The following SH2D4A variants were observed in gnomAD, a reference collection of about 807,000 sequenced individuals.
SH2D4A encodes SH2 domain-containing protein 4A.
In SH2D4A, 70 loss-of-function variants were observed where a neutral mutation model predicts 64.7. That is an observed-to-expected ratio of 1.08 (90% CI 0.89 to 1.32). The LOEUF is 1.32. Ranked by LOEUF, SH2D4A falls within the 40% of genes most tolerant of loss-of-function variation. SH2D4A has a pLI of 0.00. For synonymous variants in SH2D4A, 268 were observed against 200.7 expected (o/e 1.34, Z -2.83); for missense variants, 706 against 540.1 (o/e 1.31, Z -3.04).
chr8:19,328,035 C>T (rs992805925), intron 2 of SH2D4A, among the ~76,000 whole-genome samples: 7 of 152,194 alleles, frequency 4.6e-5, no homozygotes, highest in Admixed American at 1.3e-4. Flanking sequence ...GTCTCCTCCA[C>T]TGTTTGGTTA....
In SH2D4A at chr8:19,373,533, T is replaced by A; in HGVS notation, c.921T>A (p.Asn307Lys). 6.3e-7 allele frequency: 1 copy of A among 1,579,790 alleles called. No individual in the cohort carries two copies. Residue 307 changes from asparagine (N) to lysine (K), a missense_variant, in exon 8 of 10, where the codon AAT becomes AAA. By Grantham distance (94) the Asn-to-Lys change is moderately conservative (BLOSUM62 0). Coordinates refer to ENST00000265807, the MANE Select transcript of SH2D4A (RefSeq NM_022071.4). Reference sequence around the variant, plus strand: ...GAAAAACTTTTATAAATAACAGAAATCAGGGAGTGGTGAGGACACTGTCCA... The same window carrying A: ...GAAAAACTTTTATAAATAACAGAAAACAGGGAGTGGTGAGGACACTGTCCA... ...SGAYPQKPLR[N>K]QGVVRTLSSS...
At chr8:19,352,461 G>A (rs957857548) in intron 4 of SH2D4A, among the ~76,000 whole-genome samples, 2 of 152,168 alleles carry the variant, frequency 1.3e-5, no homozygotes, top group Non-Finnish European at 2.9e-5. Flanking sequence ...TTTTTTGGAA[G>A]CTTTTGCATA....
chr8:19,320,492 T>C (rs1351880578), intron 2 of SH2D4A, among the ~76,000 whole-genome samples: 1 of 151,858 alleles, frequency 6.6e-6, no homozygotes, highest in Non-Finnish European at 1.5e-5. Flanking sequence ...GGCATGGTGG[T>C]ACATGCCTAT....
chr8:19,332,929 T>C lies in SH2D4A; in HGVS notation c.182-26T>C, dbSNP rs201634373. ...ACTAAAGATATTTGTTCAATCTGAA[T>C]TTTTTGTTTGTGTGTTTGTTTGCAG... On this transcript the variant is annotated intron_variant, in intron 2 of 9. Transcript: ENST00000265807. 1.7e-5 allele frequency: 27 copies of C among 1,602,756 alleles called. No homozygotes were observed. In the East Asian group the frequency reaches 5.4e-4, roughly 32 times the overall value.
At chr8:19,334,568 A>T (rs2052414371) in intron 3 of SH2D4A, 118 bp from the exon 4 acceptor site, 1 of 1,095,824 alleles carries the variant, frequency 9.1e-7, no homozygotes, top group Non-Finnish European at 1.3e-6. Flanking sequence ...TGTTAGAAGC[A>T]CTCAGTAAGT....
chr8:19,382,148 T>A (rs1435375844), intron 8 of SH2D4A, among the ~76,000 whole-genome samples: 2 of 152,172 alleles, frequency 1.3e-5, no homozygotes, highest in Non-Finnish European at 2.9e-5. Flanking sequence ...CATTTCACCA[T>A]GTAACATCCT....
In SH2D4A at chr8:19,318,106, A is replaced by C. The variant is rs2052121483; in HGVS notation, c.-204-1238A>C. 2.6e-5 allele frequency among the ~76,000 whole-genome samples: 4 copies of C among 152,048 alleles called. No individual in the cohort carries two copies. The South Asian group carries it at 8.3e-4, about 32-fold the overall frequency. ...TGTTTTTTTAGTAGAGATGTTGGTC[A>C]TACTGGTCAGACTGGTCTCGAACTC... On this transcript the variant is annotated intron_variant, in intron 1 of 9. Transcript: ENST00000265807.
chr8:19,390,620 A>AG lies in SH2D4A; in HGVS notation c.1049-2697dup, dbSNP rs1345205834. 1.0e-3 allele frequency among the ~76,000 whole-genome samples: 159 copies of AG among 152,328 alleles called. 2 individuals carry two copies. Among genetic ancestry groups the AG allele is most frequent in the African/African-American group, 3.6e-3 (149 of 41,574 alleles). On this transcript the variant is annotated intron_variant, in intron 8 of 9. Coordinates refer to ENST00000265807, the MANE Select transcript of SH2D4A (RefSeq NM_022071.4). ...TTAAGGAATAGTAATCCTCTTACAA[A>AG]GCAAAAAAAGCAAAGACAAACTACC... is the stretch of plus-strand genomic sequence containing the variant.
At chr8:19,313,956 C>T (rs1157346724) in intron 1 of SH2D4A, 133 bp downstream of exon 1, 13 of 1,270,180 alleles carry the variant, frequency 1.0e-5, no homozygotes, top group Non-Finnish European at 1.3e-5. Flanking sequence ...GGAAGCCTCA[C>T]CCCCGCCTCC....
At chr8:19,392,995 C>T (rs2053518576) in intron 8 of SH2D4A, among the ~76,000 whole-genome samples, 1 of 152,168 alleles carries the variant, frequency 6.6e-6, no homozygotes, top group African/African-American at 2.4e-5. Context: ...CCCACCTCGG[C>T]CTCTCAAAGT....
intron 7 of SH2D4A, among the ~76,000 whole-genome samples, chr8:19,373,216 G>A (rs1437937037): frequency 1.3e-5 from 2 of 151,840 alleles, no homozygotes; most frequent in Non-Finnish European, 2.9e-5. Flanking sequence ...TGCCCTTGAG[G>A]AGGTGTATAA....
chr8:19,375,203 T>C (rs1372935645), intron 8 of SH2D4A: 1 of 151,926 alleles, frequency 6.6e-6, no homozygotes, highest in Non-Finnish European at 1.5e-5. Context: ...ATAAGCAAAA[T>C]AAAACTGTAT....
intron 2 of SH2D4A, among the ~76,000 whole-genome samples, chr8:19,326,019 C>T (rs1261527681): frequency 6.6e-6 from 1 of 152,186 alleles, no homozygotes; most frequent in Non-Finnish European, 1.5e-5. Flanking sequence ...GTGGTTGCCA[C>T]CCCAGCGTCC....
In SH2D4A at chr8:19,393,386, C is replaced by G. The variant is rs773317243; in HGVS notation, c.1117C>G (p.Arg373Gly). The G allele has an allele frequency of 1.3e-5, 21 of 1,614,046 alleles. No homozygotes were observed. The highest frequency in any genetic ancestry group is 1.5e-5 in the Non-Finnish European group (18 of 1,180,022). The change falls in exon 9 of 10, where the codon CGA (arginine) becomes GGA (glycine). Residue 373 changes from arginine (R) to glycine (G), a missense_variant. Physicochemically the swap from Arg to Gly is moderately radical, Grantham distance 125. Transcript: ENST00000265807. The stretch of plus-strand genomic sequence containing the variant: ...AGGCATGCCCGGCAGTTTTCTCATC[C>G]GAGTCAGTGAAAGGATCAAAGGCTA... Reference protein sequence around the residue: ...STGMPGSFLIRVSERIKGYAL... With the variant: ...STGMPGSFLIGVSERIKGYAL...
At chr8:19,380,000 A>G (rs1222248437) in intron 8 of SH2D4A, among the ~76,000 whole-genome samples, 1 of 151,980 alleles carries the variant, frequency 6.6e-6, no homozygotes, top group Non-Finnish European at 1.5e-5. Flanking sequence ...CCTCCCAAAG[A>G]ACTGAGATTA....
At chr8:19,384,665 T>C (rs1474119148) in intron 8 of SH2D4A, among the ~76,000 whole-genome samples, 1 of 152,232 alleles carries the variant, frequency 6.6e-6, no homozygotes, top group Non-Finnish European at 1.5e-5. Flanking sequence ...TTATTCTGGC[T>C]TCAGATTATG....
At chr8:19,361,350 C>G in intron 6 of SH2D4A, 36 bp downstream of exon 6, 1 of 1,556,446 alleles carries the variant, frequency 6.4e-7, no homozygotes, top group Non-Finnish European at 8.6e-7. Flanking sequence ...ACCTTCCAGG[C>G]TCTCAGCTGA....
chr8:19,348,282 G>T (rs1294939971), intron 4 of SH2D4A, among the ~76,000 whole-genome samples: 1 of 152,040 alleles, frequency 6.6e-6, no homozygotes, highest in South Asian at 2.1e-4. Flanking sequence ...TCCTTGTAGA[G>T]ACAGGGGTCT....
chr8:19,320,960 C>T (rs1408302398), intron 2 of SH2D4A, among the ~76,000 whole-genome samples: 1 of 152,186 alleles, frequency 6.6e-6, no homozygotes, highest in African/African-American at 2.4e-5. Flanking sequence ...GTCAGTGTAG[C>T]GTCCTTTACT....
Sources: gnomAD v4.1 joint callset for allele counts (sites outside exome capture counted in the v4.1 genomes callset) on GRCh38, gnomAD v4.1.1 for gene constraint, MANE v1.5 for transcripts, NCBI Gene and HGNC (gene_info 2026-07-23, HGNC 2026-07-21) for gene names.